STARD13: variants seen among roughly 807,000 people sequenced by gnomAD.
STARD13 encodes StAR related lipid transfer domain containing 13.
STARD13 carries 62 observed loss-of-function variants against 106.4 expected under a neutral mutation model. The observed-to-expected ratio is 0.58, with a 90% CI of 0.48 to 0.72. The LOEUF (loss-of-function observed/expected upper bound fraction) is 0.72, where lower values mean the gene tolerates loss of function less well. Among genes scored for constraint, STARD13 ranks in the 30% least tolerant of loss-of-function variants. The probability of loss-of-function intolerance (pLI) is 0.00; values close to 1 mark genes in which losing one functional copy is unlikely to be tolerated. For synonymous variants in STARD13, 565 were observed against 553.0 expected (o/e 1.02, Z -0.31); for missense variants, 1,387 against 1,424.0 (o/e 0.97, Z 0.42).
chr13:33,434,993 G>A, the STARD13 span, among the ~76,000 whole-genome samples: 2 of 152,268 alleles, frequency 1.3e-5, no homozygotes, highest in East Asian at 3.9e-4. Flanking sequence ...TGCAGCCATA[G>A]AAACTAGTTG....
chr13:33,196,389 T>C (rs184423048), intron 1 of STARD13, among the ~76,000 whole-genome samples: 2 of 152,154 alleles, frequency 1.3e-5, no homozygotes, highest in East Asian at 1.9e-4. Context: ...CAAAAAACAA[T>C]AATAATAATA....
chr13:33,546,652 T>C, the STARD13 span, among the ~76,000 whole-genome samples: 1 of 149,508 alleles, frequency 6.7e-6, no homozygotes, highest in Admixed American at 6.7e-5. Flanking sequence ...TCGTATTAAT[T>C]TTTTTTTTTT....
At chr13:33,292,547 G>A (rs1222852823) in intron 1 of STARD13, among the ~76,000 whole-genome samples, 1 of 151,394 alleles carries the variant, frequency 6.6e-6, no homozygotes, top group African/African-American at 2.4e-5. Context: ...GCTCCAGTAA[G>A]CCATGAGTGT....
chr13:33,567,542 T>C, the STARD13 span, among the ~76,000 whole-genome samples: 1 of 148,134 alleles, frequency 6.8e-6, no homozygotes, highest in African/African-American at 2.5e-5. Flanking sequence ...TTGTCTATAA[T>C]TGATAAAACT....
chr13:33,345,370 G>A (rs1262634390), downstream of STARD13, among the ~76,000 whole-genome samples: 1 of 152,222 alleles, frequency 6.6e-6, no homozygotes, highest in Non-Finnish European at 1.5e-5. Context: ...TGAACTGCAA[G>A]TGACAGAGGG....
At chr13:33,359,264 G>A in the STARD13 span, among the ~76,000 whole-genome samples, 1 of 152,078 alleles carries the variant, frequency 6.6e-6, no homozygotes, top group African/African-American at 2.4e-5. Context: ...CCTGAGCCCA[G>A]CGAGACCACG....
chr13:33,213,103 G>A (rs113846236), intron 1 of STARD13, among the ~76,000 whole-genome samples: 1 of 152,120 alleles, frequency 6.6e-6, no homozygotes, highest in Non-Finnish European at 1.5e-5. Flanking sequence ...TAACATGAGG[G>A]CTCTGACAAT....
the STARD13 span, among the ~76,000 whole-genome samples, chr13:33,515,362 C>T: frequency 6.6e-6 from 1 of 152,246 alleles, no homozygotes; most frequent in African/African-American, 2.4e-5. Flanking sequence ...TCTTCCTAAG[C>T]CATTTCCCAA....
At chr13:33,505,720 G>C in the STARD13 span, among the ~76,000 whole-genome samples, 2 of 152,058 alleles carry the variant, frequency 1.3e-5, no homozygotes, top group Non-Finnish European at 2.9e-5. Context: ...TTGTTACAGT[G>C]ACAAAAATAA....
chr13:33,350,733 C>G (rs1032618136), upstream of STARD13: 1 of 957,242 alleles, frequency 1.0e-6, no homozygotes, highest in African/African-American at 1.8e-5. Flanking sequence ...CCCCTGCCCT[C>G]CCCCTGGCTG....
chr13:33,220,393 T>C (rs560464939), intron 1 of STARD13, among the ~76,000 whole-genome samples: 1 of 152,316 alleles, frequency 6.6e-6, no homozygotes, highest in East Asian at 1.9e-4. Flanking sequence ...TGATCCCTTA[T>C]AAAAATGACT....
chr13:33,560,613 A>G, the STARD13 span, among the ~76,000 whole-genome samples: 15 of 151,640 alleles, frequency 9.9e-5, 1 homozygote, highest in African/African-American at 3.4e-4. Flanking sequence ...TTTGGCAGCA[A>G]CAGAGCAGAG....
intron 3 of STARD13, 83 bp from the exon 4 acceptor site, chr13:33,142,456 T>G (rs1275900907): frequency 7.7e-7 from 1 of 1,302,210 alleles, no homozygotes; most frequent in Non-Finnish European, 1.1e-6. Flanking sequence ...TTATTTCCAG[T>G]AAAGTTGAAA....
At chr13:33,156,468 G>T (rs957871468) in intron 3 of STARD13, among the ~76,000 whole-genome samples, 11 of 152,158 alleles carry the variant, frequency 7.2e-5, no homozygotes, top group Non-Finnish European at 1.3e-4. Flanking sequence ...TTCATAGAGT[G>T]GGGTGGGGAA....
chr13:33,654,360 G>A, the STARD13 span, among the ~76,000 whole-genome samples: 11 of 152,172 alleles, frequency 7.2e-5, no homozygotes, highest in South Asian at 1.0e-3. Context: ...GTGAAGAAGC[G>A]AAACACAAAA....
the STARD13 span, among the ~76,000 whole-genome samples, chr13:33,360,423 C>T: frequency 4.0e-5 from 6 of 151,762 alleles, no homozygotes; most frequent in Non-Finnish European, 5.9e-5. Context: ...CCAGGCTGGT[C>T]TCTATCTCCT....
At chr13:33,233,798 T>C (rs1889047853) in intron 1 of STARD13, among the ~76,000 whole-genome samples, 1 of 152,226 alleles carries the variant, frequency 6.6e-6, no homozygotes, top group African/African-American at 2.4e-5. Flanking sequence ...ACCTGGGTGT[T>C]GCTGCATTCC....
chr13:33,404,295 C>A, the STARD13 span, among the ~76,000 whole-genome samples: 1 of 152,110 alleles, frequency 6.6e-6, no homozygotes, highest in South Asian at 2.1e-4. Context: ...TGTATTATTG[C>A]CTTTTAAAGT....
rs561072 is a variant in STARD13, at chr13:33,130,514, A to G, written c.388-225T>C. Among the ~76,000 whole-genome samples, 82,866 of 151,962 alleles carry G rather than the reference A, an allele frequency of 0.55. 23,670 individuals carry two copies. The highest frequency in any genetic ancestry group is 0.63 in the Non-Finnish European group (42,914 of 67,942). ...CAGAGGACCCTTCTCAACTTGCCAA[A>G]CTTTCTTCCTTCCCATTTTCAAAGA... is the stretch of plus-strand genomic sequence containing the variant. On this transcript the variant is annotated intron_variant, in intron 4 of 13. Transcript: ENST00000336934. This position sits in a 1 kb window ranked among gnomAD's most constrained non-coding sequence, Gnocchi z 4.1.
Sources: gnomAD v4.1 joint callset for allele counts (sites outside exome capture counted in the v4.1 genomes callset) on GRCh38, gnomAD v4.1.1 for gene constraint, Gnocchi (gnomAD v3.1) non-coding constraint, MANE v1.5 for transcripts, NCBI Gene and HGNC (gene_info 2026-07-23, HGNC 2026-07-21) for gene names.